Variants in BCAS3 observed in about 807,000 individuals in gnomAD.
BCAS3 encodes BCAS3 microtubule associated cell migration factor.
In BCAS3, 53 loss-of-function variants were observed where a neutral mutation model predicts 116.1. That is an observed-to-expected ratio of 0.46 (90% confidence interval 0.37 to 0.57). The LOEUF is 0.57. Ranked by LOEUF, BCAS3 falls within the 20% of genes least tolerant of loss-of-function variation. The pLI, the probability that BCAS3 is intolerant of heterozygous loss-of-function variation, is 0.00. For missense variants in BCAS3, 917 were observed against 1,165.4 expected (o/e 0.79, Z 3.10); for synonymous variants, 391 against 408.2 (o/e 0.96, Z 0.51).
chr17:61,115,401 A>AT, intron 22 of BCAS3, among the ~76,000 whole-genome samples: 1 of 150,702 alleles, frequency 6.6e-6, no homozygotes, highest in African/African-American at 2.4e-5. Context: ...CAAGAAAAAA[A>AT]CAAACAACCC....
intron 7 of BCAS3, among the ~76,000 whole-genome samples, chr17:60,823,722 G>C (rs908386011): frequency 6.6e-6 from 1 of 152,200 alleles, no homozygotes; most frequent in African/African-American, 2.4e-5. Context: ...CGGTGTTTGA[G>C]AAATGTAAAT....
chr17:60,888,260 T>G (rs556842393), intron 9 of BCAS3, among the ~76,000 whole-genome samples: 1 of 152,242 alleles, frequency 6.6e-6, no homozygotes, highest in Non-Finnish European at 1.5e-5. Context: ...GTGTTTTTCC[T>G]TAGGACCCTT....
intron 9 of BCAS3, among the ~76,000 whole-genome samples, chr17:60,888,826 A>G (rs562815793): frequency 6.1e-5 from 9 of 148,108 alleles, no homozygotes; most frequent in African/African-American, 1.5e-4. Context: ...TCTCTTCTCT[A>G]TAAGTTTATT....
chr17:60,816,279 CTTTTT>C (rs537982584), intron 7 of BCAS3, among the ~76,000 whole-genome samples: 1 of 140,108 alleles, frequency 7.1e-6, no homozygotes, highest in African/African-American at 2.7e-5. Flanking sequence ...TTTTTCTTTT[CTTTTT>C]TTTTTTTTTG....
chr17:60,766,913 C>T (rs1362316122), intron 6 of BCAS3, among the ~76,000 whole-genome samples: 1 of 152,220 alleles, frequency 6.6e-6, no homozygotes, highest in African/African-American at 2.4e-5. Flanking sequence ...GGCGGATGCC[C>T]CTCCCCCAGC....
At position 60,781,437 on chromosome 17, in the gene BCAS3, A is replaced by C. The variant is rs1324378780; in HGVS notation, c.404-26567A>C. On this transcript the variant is annotated intron_variant, in intron 6 of 23. Coordinates refer to ENST00000407086, the MANE Select transcript of BCAS3 (RefSeq NM_017679.5). ...AACGTGGTGAAACTGCATCTCTACT[A>C]AAAATACAAAAATTAGCCAGGCATG... 3.3e-5 allele frequency among the ~76,000 whole-genome samples: 5 copies of C among 152,008 alleles called. No individual in the cohort carries two copies. In the East Asian group the frequency reaches 9.8e-4, roughly 30 times the overall value.
chr17:61,291,837 T>A (rs2144706250), intron 22 of BCAS3, among the ~76,000 whole-genome samples: 1 of 152,310 alleles, frequency 6.6e-6, no homozygotes, highest in South Asian at 2.1e-4. Context: ...CTTGCAAGCC[T>A]GTATGCACGC....
intron 15 of BCAS3, among the ~76,000 whole-genome samples, chr17:61,000,032 G>T (rs544006086): frequency 6.6e-6 from 1 of 152,258 alleles, no homozygotes; most frequent in South Asian, 2.1e-4. Flanking sequence ...TCAGGTTAAG[G>T]AGTCTTTAGA....
intron 22 of BCAS3, among the ~76,000 whole-genome samples, chr17:61,289,020 A>T (rs983640246): frequency 6.6e-6 from 1 of 152,250 alleles, no homozygotes; most frequent in African/African-American, 2.4e-5. Context: ...GCCCCTCTGC[A>T]CATTTCCTCT....
chr17:61,204,094 C>A lies in BCAS3; in HGVS notation c.2425+119530C>A, dbSNP rs1055854841. Among the ~76,000 whole-genome samples the A allele has an allele frequency of 6.6e-6, 1 of 152,196 alleles. No homozygotes were observed. The highest frequency in any genetic ancestry group is 1.5e-5 in the Non-Finnish European group (1 of 68,024). On this transcript the variant is annotated intron_variant, in intron 22 of 23. Coordinates refer to ENST00000407086, the MANE Select transcript of BCAS3 (RefSeq NM_017679.5). The surrounding 1 kb of genome is among the most constrained non-coding windows in gnomAD (Gnocchi z 4.2). ...CTCGCTCTGGGAGGTTTGATACACT[C>A]TTCATCCTCCTCAGCTCACCAGAGT...
At chr17:60,948,445 A>G (rs988002271) in intron 14 of BCAS3, among the ~76,000 whole-genome samples, 1 of 152,134 alleles carries the variant, frequency 6.6e-6, no homozygotes, top group African/African-American at 2.4e-5. Context: ...AATATTCTTA[A>G]TATCACATGG....
chr17:61,137,382 A>G (rs1281939674), intron 22 of BCAS3, among the ~76,000 whole-genome samples: 1 of 152,268 alleles, frequency 6.6e-6, no homozygotes, highest in Non-Finnish European at 1.5e-5. Flanking sequence ...TTTCTTGATT[A>G]GAATACAATG....
intron 9 of BCAS3, among the ~76,000 whole-genome samples, chr17:60,882,594 A>G (rs2056273058): frequency 1.3e-5 from 2 of 152,032 alleles, no homozygotes; most frequent in South Asian, 4.1e-4. Context: ...TTAAATCTTT[A>G]ATCTATCTTG....
chr17:61,156,134 C>T lies in BCAS3; in HGVS notation c.2425+71570C>T, dbSNP rs73326804. On this transcript the variant is annotated intron_variant, in intron 22 of 23. Transcript: ENST00000407086. This position sits in a 1 kb window ranked among gnomAD's most constrained non-coding sequence, Gnocchi z 4.7. ...TTACTCGGTATGCACCACAAACAAA[C>T]GCAGAGAGACAGAGAAAGACAGTCA... Among the ~76,000 whole-genome samples, 69 of 148,846 alleles carry T rather than the reference C, an allele frequency of 4.6e-4. 1 individual carries two copies. Among genetic ancestry groups the T allele is most frequent in the African/African-American group, 1.4e-3 (57 of 40,260 alleles).
chr17:60,936,887 G>A (rs554030571), intron 13 of BCAS3, among the ~76,000 whole-genome samples: 1 of 152,070 alleles, frequency 6.6e-6, no homozygotes, highest in Non-Finnish European at 1.5e-5. Flanking sequence ...GTCAGTTTTG[G>A]CTTTTGTTGC....
chr17:61,295,674 G>A (rs995304187), intron 22 of BCAS3, among the ~76,000 whole-genome samples: 2 of 151,738 alleles, frequency 1.3e-5, no homozygotes, highest in Non-Finnish European at 2.9e-5. Context: ...TAGGTCAGGC[G>A]GGGCGCGGTG....
At chr17:60,747,463 A>T (rs777349831) in intron 6 of BCAS3, among the ~76,000 whole-genome samples, 184 bp downstream of exon 6, 3 of 152,186 alleles carry the variant, frequency 2.0e-5, no homozygotes, top group Admixed American at 6.5e-5. Context: ...AATCTTAACC[A>T]ATTCAATATG....
At chr17:60,820,947 A>C (rs2049907973) in intron 7 of BCAS3, among the ~76,000 whole-genome samples, 1 of 152,160 alleles carries the variant, frequency 6.6e-6, no homozygotes, top group South Asian at 2.1e-4. Context: ...TTTATTAATA[A>C]AACTAACTTT....
At chr17:61,086,625 C>G (rs2073115349) in intron 22 of BCAS3, 1 of 949,494 alleles carries the variant, frequency 1.1e-6, no homozygotes, top group African/African-American at 1.8e-5. Context: ...CATTGACCCT[C>G]TCTGCCTGAA....
Sources: gnomAD v4.1 joint callset for allele counts (sites outside exome capture counted in the v4.1 genomes callset) on GRCh38, gnomAD v4.1.1 for gene constraint, Gnocchi (gnomAD v3.1) non-coding constraint, MANE v1.5 for transcripts, NCBI Gene and HGNC (gene_info 2026-07-23, HGNC 2026-07-21) for gene names.